Variants in SHLD1 observed in about 807,000 individuals in gnomAD.
The protein encoded by SHLD1 is RINN1-REV7-interacting novel NHEJ regulator 3.
SHLD1 carries 3 observed loss-of-function variants against 5.5 expected under a neutral mutation model. The observed-to-expected ratio is 0.54, with a 90% CI of 0.25 to 1.40. The LOEUF (loss-of-function observed/expected upper bound fraction) is 1.40, where lower values mean the gene tolerates loss of function less well. Ranked by LOEUF, SHLD1 falls within the 40% of genes most tolerant of loss-of-function variation. SHLD1 has a pLI of 0.15. For missense variants in SHLD1, 210 were observed against 244.4 expected, an observed-to-expected ratio of 0.86 and a Z score of 0.94; for synonymous variants, 92 against 94.3, an observed-to-expected ratio of 0.98 and a Z score of 0.14.
chr20:5,831,744 T>G (rs893018085), intron 2 of SHLD1, among the ~76,000 whole-genome samples: 1 of 152,106 alleles, frequency 6.6e-6, no homozygotes, highest in Non-Finnish European at 1.5e-5. Context: ...TCTCTCTCTC[T>G]CTCTCAATTT....
At chr20:5,787,306 C>T (rs1449667455) in intron 2 of SHLD1, among the ~76,000 whole-genome samples, 1 of 152,116 alleles carries the variant, frequency 6.6e-6, no homozygotes, top group Non-Finnish European at 1.5e-5. Flanking sequence ...TCAATGAAGC[C>T]CTTGATCACT....
At chr20:5,764,745 G>A (rs555078267) in intron 1 of SHLD1, among the ~76,000 whole-genome samples, 7 of 152,230 alleles carry the variant, frequency 4.6e-5, no homozygotes, top group Non-Finnish European at 8.8e-5. Context: ...TGATGAGTGG[G>A]TAGAAAGTTG....
At position 5,832,050 on chromosome 20, in the gene SHLD1, C is replaced by A. The variant is rs560273276; in HGVS notation, c.179-30974C>A. 5.9e-5 allele frequency among the ~76,000 whole-genome samples: 9 copies of A among 152,338 alleles called. No individual in the cohort carries two copies. In the East Asian group the frequency reaches 1.7e-3, roughly 29 times the overall value. ...CCGCCTACCTGCTTCAAGTGATCCT[C>A]CCACCTCAGCCTCGCAGGTAGCTGG... On this transcript the variant is annotated intron_variant, in intron 2 of 2. Coordinates refer to ENST00000303142, the MANE Select transcript of SHLD1 (RefSeq NM_152504.4).
In SHLD1 at chr20:5,863,020, G is replaced by A. The variant is rs1486830523; in HGVS notation, c.179-4G>A. The A allele has an allele frequency of 1.9e-6, 3 of 1,574,484 alleles. No individual in the cohort carries two copies. Among genetic ancestry groups the A allele is most frequent in the South Asian group, 1.2e-5 (1 of 84,752 alleles). On this transcript the variant is annotated splice_polypyrimidine_tract_variant and splice_region_variant and intron_variant, in intron 2 of 2. Transcript: ENST00000303142. ...TGAGTATTGGAATACGTTTTGTCTTGCAGACACCAGTAACTTAAATATAGA... is the reference window on the plus strand; with the variant it reads ...TGAGTATTGGAATACGTTTTGTCTTACAGACACCAGTAACTTAAATATAGA...
At chr20:5,761,191 G>A (rs574479220) in intron 1 of SHLD1, among the ~76,000 whole-genome samples, 8 of 152,162 alleles carry the variant, frequency 5.3e-5, no homozygotes, top group Admixed American at 6.6e-5. Flanking sequence ...TCACTCATAA[G>A]TGGGAGTTGA....
At chr20:5,854,978 A>G (rs2088063573) in intron 2 of SHLD1, among the ~76,000 whole-genome samples, 1 of 150,426 alleles carries the variant, frequency 6.6e-6, no homozygotes, top group African/African-American at 2.5e-5. Flanking sequence ...GACTCAAGTG[A>G]TCCTCCCACC....
At chr20:5,856,972 T>C (rs1377872886) in intron 2 of SHLD1, among the ~76,000 whole-genome samples, 2 of 152,106 alleles carry the variant, frequency 1.3e-5, no homozygotes, top group Admixed American at 6.6e-5. Context: ...TTTGTTTTTG[T>C]TTCTATTTTG....
intron 2 of SHLD1, among the ~76,000 whole-genome samples, chr20:5,814,654 CTTTTTTTTTTTT>C (rs148119460): frequency 1.9e-5 from 2 of 103,782 alleles, no homozygotes; most frequent in Non-Finnish European, 3.8e-5. Context: ...TTTTCTTCTT[CTTTTTTTTTTTT>C]TTTTTTTTTT....
intron 2 of SHLD1, among the ~76,000 whole-genome samples, chr20:5,800,190 A>G (rs1019075576): frequency 3.3e-5 from 5 of 152,226 alleles, no homozygotes; most frequent in African/African-American, 1.2e-4. Context: ...CAGCCCAAAC[A>G]TGTCAATAGT....
chr20:5,843,496 T>C lies in SHLD1; in HGVS notation c.179-19528T>C, dbSNP rs150768711. On this transcript the variant is annotated intron_variant, in intron 2 of 2. Coordinates refer to ENST00000303142, the MANE Select transcript of SHLD1 (RefSeq NM_152504.4). ...CGTAACTTCAGGGCTCTCAGCTTTA[T>C]GTGGTGATTTCTTGTTAAGCACCCC... 3.0e-3 allele frequency among the ~76,000 whole-genome samples: 457 copies of C among 152,274 alleles called. 2 individuals carry two copies. Among genetic ancestry groups the C allele is most frequent in the African/African-American group, 0.01 (424 of 41,544 alleles).
intron 2 of SHLD1, among the ~76,000 whole-genome samples, chr20:5,781,856 C>A (rs1226248146): frequency 1.3e-5 from 2 of 152,186 alleles, no homozygotes. Context: ...GTGTAATCTG[C>A]TGCCTGGAAT....
Position 5,758,014 on chromosome 20 carries a change from C to G in SHLD1, c.-5+7535C>G, listed in dbSNP as rs999236886. On this transcript the variant is annotated intron_variant, in intron 1 of 2. Transcript: ENST00000303142. ...GATTTGATTTCTTGCGCTATCTTTA[C>G]CTGGCTTTGATGCAGGTAAATACCC... 4.5e-4 allele frequency among the ~76,000 whole-genome samples: 69 copies of G among 152,034 alleles called. 1 individual carries two copies. The highest frequency in any genetic ancestry group is 4.3e-3 in the Admixed American group (65 of 15,246).
At chr20:5,861,781 T>C (rs777622053) in intron 2 of SHLD1, among the ~76,000 whole-genome samples, 2 of 152,232 alleles carry the variant, frequency 1.3e-5, no homozygotes, top group Non-Finnish European at 2.9e-5. Context: ...CACTGTACCA[T>C]GCACCTTACT....
chr20:5,792,297 T>G (rs1229152507), intron 2 of SHLD1, among the ~76,000 whole-genome samples: 1 of 152,234 alleles, frequency 6.6e-6, no homozygotes. Flanking sequence ...CCTCTGTGCT[T>G]TCTTCTAGGA....
intron 1 of SHLD1, among the ~76,000 whole-genome samples, chr20:5,763,221 G>T (rs144325176): frequency 6.9e-6 from 1 of 144,198 alleles, no homozygotes; most frequent in Non-Finnish European, 1.5e-5. Flanking sequence ...CAGGAGAATC[G>T]CTTGAACCTG....
intron 2 of SHLD1, among the ~76,000 whole-genome samples, chr20:5,846,899 C>T (rs1418510926): frequency 5.3e-5 from 8 of 152,134 alleles, no homozygotes; most frequent in Non-Finnish European, 8.8e-5. Context: ...AAACAAGCCT[C>T]GGGGTAAGCC....
chr20:5,789,576 T>TA lies in SHLD1; in HGVS notation c.178+16551dup, dbSNP rs58405557. Among the ~76,000 whole-genome samples, 1,048 of 113,328 alleles carry TA rather than the reference T, an allele frequency of 9.2e-3. 6 individuals are homozygous for TA. The highest frequency in any genetic ancestry group is 0.022 in the African/African-American group (712 of 32,698). 74.3% of individuals were successfully genotyped at this position (113,328 alleles called of 152,430 possible). The stretch of plus-strand genomic sequence containing the variant: ...TGGGTGACAAGAGCAAAACTTGATC[T>TA]AAAAAAAAAAAAAAAAAAGTAATCA... On this transcript the variant is annotated intron_variant, in intron 2 of 2. Coordinates refer to ENST00000303142, the MANE Select transcript of SHLD1 (RefSeq NM_152504.4).
At chr20:5,792,663 G>C (rs899281793) in intron 2 of SHLD1, among the ~76,000 whole-genome samples, 23 of 144,096 alleles carry the variant, frequency 1.6e-4, no homozygotes, top group Non-Finnish European at 3.0e-5. Context: ...CAGGTGATCT[G>C]CCGTTTTCTT....
intron 2 of SHLD1, among the ~76,000 whole-genome samples, chr20:5,852,244 C>G (rs2088020309): frequency 6.6e-6 from 1 of 152,048 alleles, no homozygotes; most frequent in African/African-American, 2.4e-5. Context: ...ATTTTTTCAT[C>G]CTAAGTTTTT....
Sources: allele counts gnomAD v4.1 joint callset (sites outside exome capture counted in the v4.1 genomes callset), GRCh38; gene constraint gnomAD v4.1.1; transcripts MANE v1.5; gene names NCBI Gene and HGNC (gene_info 2026-07-23, HGNC 2026-07-21).